The following SYDE2 variants were observed in gnomAD, a reference collection of about 807,000 sequenced individuals.
SYDE2 encodes the protein synapse defective Rho GTPase homolog 2.
Under a neutral mutation model 91.5 loss-of-function variants are expected in SYDE2, and 76 were observed. The ratio of observed to expected loss-of-function variants is 0.83; its 90% CI spans 0.69 to 1.01. SYDE2 has a LOEUF of 1.01. Among genes scored for constraint, SYDE2 ranks in the 50% least tolerant of loss-of-function variants. The pLI, the probability that SYDE2 is intolerant of heterozygous loss-of-function variation, is 0.00. For missense variants in SYDE2, 1,364 were observed against 1,367.7 expected (o/e 1.00, Z 0.04); for synonymous variants, 513 against 506.4 (o/e 1.01, Z -0.18).
chr1:85,185,987 TGA>T (rs1475652867), intron 2 of SYDE2, among the ~76,000 whole-genome samples: 1 of 152,176 alleles, frequency 6.6e-6, no homozygotes, highest in Non-Finnish European at 1.5e-5. Context: ...CCTAATTTAT[TGA>T]GAGTTTTTAG....
chr1:85,166,107 A>G (rs709787), intron 5 of SYDE2, among the ~76,000 whole-genome samples: 34,268 of 151,674 alleles, frequency 0.23, 4,790 homozygotes, highest in African/African-American at 0.39. Flanking sequence ...TTGGGAGGCC[A>G]AGGCAGGTGA....
In SYDE2 at chr1:85,182,810, C is replaced by G. The variant is rs774512275; in HGVS notation, c.1832G>C (p.Ser611Thr). The G allele has an allele frequency of 1.9e-6, 3 of 1,613,918 alleles. No homozygotes were observed. Residue 611 changes from serine (S) to threonine (T), a missense_variant, in exon 3 of 7, where the codon AGT (serine) becomes ACT (threonine). Coordinates refer to ENST00000341460, the MANE Select transcript of SYDE2 (RefSeq NM_032184.2). Reference protein sequence around the residue: ...QQSYQKKNSMSSKYSCKGGYL... With the variant: ...QQSYQKKNSMTSKYSCKGGYL... ...ACCACCTTTGCAGGAATACTTAGAA[C>G]TCATAGAGTTTTTCTTCTGGTAGCT... is the stretch of plus-strand genomic sequence containing the variant.
At chr1:85,177,825 T>C (rs935058839) in intron 4 of SYDE2, among the ~76,000 whole-genome samples, 2 of 152,206 alleles carry the variant, frequency 1.3e-5, no homozygotes, top group Non-Finnish European at 2.9e-5. Context: ...CAATACGCTC[T>C]ATATCACCTA....
chr1:85,167,203 G>A, intron 5 of SYDE2, among the ~76,000 whole-genome samples: 1 of 117,966 alleles, frequency 8.5e-6, no homozygotes. Context: ...GACAAAGTGA[G>A]ACCCTGTCTC....
At position 85,157,134 on chromosome 1, in the gene SYDE2, A is replaced by G. The variant is rs1656900843; in HGVS notation, c.*1616T>C. On this transcript the variant is annotated 3_prime_UTR_variant, in exon 7 of 7. Transcript: ENST00000341460. The stretch of plus-strand genomic sequence containing the variant: ...AATTAAATAATGTCTGTTTATCAAT[A>G]TTTATTGCATAGAAATATTTTAAGT... 1 of 152,070 alleles carries G rather than the reference A, an allele frequency of 6.6e-6. No homozygotes were observed. The highest frequency in any genetic ancestry group is 2.4e-5 in the African/African-American group (1 of 41,462). The allele number at this position is 152,070 out of a possible 1,614,324, so 9.4% of individuals were successfully genotyped here.
intron 5 of SYDE2, among the ~76,000 whole-genome samples, chr1:85,167,403 A>C (rs1246771215): frequency 1.3e-5 from 2 of 152,192 alleles, no homozygotes; most frequent in African/African-American, 4.8e-5. Flanking sequence ...TACAAAAGGG[A>C]ATACTGATAA....
At chr1:85,191,559 A>G (rs1353113777) in intron 1 of SYDE2, among the ~76,000 whole-genome samples, 1 of 152,086 alleles carries the variant, frequency 6.6e-6, no homozygotes. Flanking sequence ...GGAGTTTGAG[A>G]CCAGCCTGGC....
At position 85,182,659 on chromosome 1, in the gene SYDE2, A is replaced by G. The variant is rs1657977854; in HGVS notation, c.1983T>C (p.Asp661=). ...NSCSKNEIDI[D]AFRHYSFSDQ... ...CAGAAAAGCTATAATGCCTAAAAGCATCAATGTCTATTTCATTCTTGCTAC... is the reference window on the plus strand; with the variant it reads ...CAGAAAAGCTATAATGCCTAAAAGCGTCAATGTCTATTTCATTCTTGCTAC... Residue 661 remains aspartate, a synonymous_variant, in exon 3 of 7, where the codon GAT becomes GAC. Transcript: ENST00000341460. 13 of 1,613,744 alleles carry G rather than the reference A, an allele frequency of 8.1e-6. No individual in the cohort carries two copies. The highest frequency in any genetic ancestry group is 1.1e-5 in the Non-Finnish European group (13 of 1,179,842).
At chr1:85,197,669 T>A (rs974335317) in intron 1 of SYDE2, among the ~76,000 whole-genome samples, 18 of 152,098 alleles carry the variant, frequency 1.2e-4, no homozygotes, top group African/African-American at 3.9e-4. Flanking sequence ...TTATTTATTT[T>A]TTTGAGACGG....
intron 1 of SYDE2, among the ~76,000 whole-genome samples, chr1:85,196,860 G>A (rs1658605508): frequency 6.6e-6 from 1 of 152,040 alleles, no homozygotes; most frequent in Non-Finnish European, 1.5e-5. Context: ...ACTTTAAGAT[G>A]GTTAAAGATC....
Position 85,178,181 on chromosome 1 carries a change from C to A in SYDE2, c.2636G>T (p.Cys879Phe). Residue 879 changes from cysteine (C) to phenylalanine (F), a missense_variant, in exon 4 of 7, where the codon TGT becomes TTT. Coordinates refer to ENST00000341460, the MANE Select transcript of SYDE2 (RefSeq NM_032184.2). Reference sequence around the variant, plus strand: ...ATTTATATCTGGGTACTGGTTTTCACACAGACCAACAGCTTTGCTATCTCT... The same window carrying A: ...ATTTATATCTGGGTACTGGTTTTCAAACAGACCAACAGCTTTGCTATCTCT... Reference protein sequence around the residue: ...FERDSKAVGLCENQYPDINVI... With the variant: ...FERDSKAVGLFENQYPDINVI... The A allele has an allele frequency of 6.3e-7, 1 of 1,583,818 alleles. No homozygotes were observed. The highest frequency in any genetic ancestry group is 8.6e-7 in the Non-Finnish European group (1 of 1,163,668).
intron 5 of SYDE2, 122 bp from the exon 6 acceptor site, chr1:85,164,879 C>T (rs975537262): frequency 2.2e-5 from 12 of 556,120 alleles, no homozygotes; most frequent in Admixed American, 4.3e-5. Flanking sequence ...TAAAGATTTG[C>T]GTATAAATTG....
intron 5 of SYDE2, among the ~76,000 whole-genome samples, chr1:85,166,209 G>A (rs1304369185): frequency 6.6e-6 from 1 of 151,834 alleles, no homozygotes. Flanking sequence ...GTGTGGTGGT[G>A]CACACCTGTA....
chr1:85,193,889 A>C (rs1658470259), intron 1 of SYDE2, among the ~76,000 whole-genome samples: 1 of 152,034 alleles, frequency 6.6e-6, no homozygotes, highest in South Asian at 2.1e-4. Flanking sequence ...CCCCCTCCCA[A>C]AGTGCTGGAA....
rs777693506 is a variant in SYDE2 at position 85,200,318 on chromosome 1, C to T, written c.679G>A (p.Gly227Ser). ...CGGTTTTCACGCACTTTCAAAGCGC[C>T]CACATTTGGGGAGGCTGCCTGCGTT... Reference protein sequence around the residue: ...TGTQAASPNVGALKVRENRVL... With the variant: ...TGTQAASPNVSALKVRENRVL... The change falls in exon 1 of 7, where the codon GGC becomes AGC. Residue 227 changes from glycine (G) to serine (S), a missense_variant. Gly to Ser is a moderately conservative substitution (Grantham distance 56). Coordinates refer to ENST00000341460, the MANE Select transcript of SYDE2 (RefSeq NM_032184.2). The T allele has an allele frequency of 6.2e-7, 1 of 1,614,002 alleles. No individual in the cohort carries two copies. The highest frequency in any genetic ancestry group is 1.1e-5 in the South Asian group (1 of 91,078).
At position 85,200,778 on chromosome 1, in the gene SYDE2, C is replaced by T; in HGVS notation, c.219G>A (p.Gln73=). ...RSPQREPRGG[Q]LRTPRMRPSC... ...ACGGCCGCATCCGAGGAGTCCGCAG[C>T]TGGCCTCCCCGCGGCTCCCTCTGAG... Residue 73 remains glutamine, a synonymous_variant, in exon 1 of 7, where the codon CAG becomes CAA. Coordinates refer to ENST00000341460, the MANE Select transcript of SYDE2 (RefSeq NM_032184.2). 1 of 1,516,598 alleles carries T rather than the reference C, an allele frequency of 6.6e-7. No homozygotes were observed. Among genetic ancestry groups the T allele is most frequent in the Non-Finnish European group, 8.8e-7 (1 of 1,138,024 alleles). The allele number at this position is 1,516,598 out of a possible 1,614,324, so 93.9% of individuals were successfully genotyped here.
chr1:85,169,118 T>G lies in SYDE2; in HGVS notation c.2779A>C (p.Asn927His). The G allele has an allele frequency of 1.2e-6, 2 of 1,613,894 alleles. No individual in the cohort carries two copies. The highest frequency in any genetic ancestry group is 1.7e-6 in the Non-Finnish European group (2 of 1,179,816). Residue 927 changes from asparagine to histidine, a missense_variant, in exon 5 of 7, where the codon AAT becomes CAT. Asn to His is a moderately conservative substitution (Grantham distance 68). Coordinates refer to ENST00000341460, the MANE Select transcript of SYDE2 (RefSeq NM_032184.2). ...MAKSPLKMSS[N>H]GCENDPGDSK... Reference sequence around the variant, plus strand: ...TCACCTGGGTCATTCTCACAACCATTTGATGACATTTTCAAAGGACTTTTT... The same window carrying G: ...TCACCTGGGTCATTCTCACAACCATGTGATGACATTTTCAAAGGACTTTTT...
At chr1:85,155,308 A>G (rs1213964412), downstream of SYDE2, among the ~76,000 whole-genome samples, 8 of 152,178 alleles carry the variant, frequency 5.3e-5, no homozygotes, top group Non-Finnish European at 2.9e-5. Flanking sequence ...TGATTAAAAG[A>G]AGAGCTACAG....
intron 4 of SYDE2, among the ~76,000 whole-genome samples, chr1:85,177,038 G>A (rs1657726660): frequency 6.6e-6 from 1 of 152,040 alleles, no homozygotes; most frequent in Non-Finnish European, 1.5e-5. Flanking sequence ...TCCATAGAAT[G>A]ACTGTATCAC....
Sources: allele counts gnomAD v4.1 joint callset (sites outside exome capture counted in the v4.1 genomes callset), GRCh38; gene constraint gnomAD v4.1.1; transcripts MANE v1.5; gene names NCBI Gene and HGNC (gene_info 2026-07-23, HGNC 2026-07-21).